Variants in IPCEF1 observed in about 807,000 individuals in gnomAD.
IPCEF1 encodes interactor protein for cytohesin exchange factors 1.
In IPCEF1, 31 loss-of-function variants were observed where a neutral mutation model predicts 50.9. The ratio of observed to expected loss-of-function variants is 0.61; its 90% CI spans 0.46 to 0.82. The LOEUF is 0.82. Among genes scored for constraint, IPCEF1 ranks in the 40% least tolerant of loss-of-function variants. The pLI is 0.00. For missense variants in IPCEF1, 458 were observed against 514.0 expected, an observed-to-expected ratio of 0.89 and a Z score of 1.05; for synonymous variants, 181 against 192.0, an observed-to-expected ratio of 0.94 and a Z score of 0.47.
At chr6:154,180,415 T>TA (rs1491475267) in intron 10 of IPCEF1, among the ~76,000 whole-genome samples, 2,705 of 28,716 alleles carry the variant, frequency 0.094, 47 homozygotes, top group Middle Eastern at 0.2. Context: ...TATATATATA[T>TA]TTTTTTTTTA....
At chr6:154,314,883 A>AT in intron 1 of IPCEF1, among the ~76,000 whole-genome samples, 1 of 146,020 alleles carries the variant, frequency 6.8e-6, no homozygotes, top group Admixed American at 6.9e-5. Flanking sequence ...TAGTGTGATT[A>AT]CTTTTTTTTT....
chr6:154,222,937 A>C (rs1282555707), intron 6 of IPCEF1: 3 of 559,798 alleles, frequency 5.4e-6, no homozygotes, highest in African/African-American at 1.9e-5. Context: ...ACAACAGTCC[A>C]TGCCAAGACT....
rs151304372 is a variant in IPCEF1 at position 154,202,244 on chromosome 6, G to T, written c.538-2204C>A. Reference sequence around the variant, plus strand: ...CTTCTCAATAATCATATACTGGCACGTACATAAAAAAAATCCATTCAGGAA... The same window carrying T: ...CTTCTCAATAATCATATACTGGCACTTACATAAAAAAAATCCATTCAGGAA... On this transcript the variant is annotated intron_variant, in intron 9 of 11. Coordinates refer to ENST00000367220, the MANE Select transcript of IPCEF1 (RefSeq NM_001130700.2). Among the ~76,000 whole-genome samples the T allele has an allele frequency of 3.0e-3, 460 of 152,000 alleles. 4 individuals carry two copies. The highest frequency in any genetic ancestry group is 0.01 in the African/African-American group (435 of 41,478).
chr6:154,349,633 C>CTA (rs1377450702), intron 1 of IPCEF1, among the ~76,000 whole-genome samples: 1 of 151,986 alleles, frequency 6.6e-6, no homozygotes, highest in Non-Finnish European at 1.5e-5. Flanking sequence ...GTACATTTGC[C>CTA]TATAAGTAGT....
At chr6:154,195,631 C>T (rs1776553929) in intron 10 of IPCEF1, among the ~76,000 whole-genome samples, 1 of 152,084 alleles carries the variant, frequency 6.6e-6, no homozygotes, top group Admixed American at 6.5e-5. Context: ...GAGATCTTGT[C>T]TTGGGTCCCT....
In IPCEF1 at chr6:154,282,618, CAG is replaced by C. The variant is rs945016963; in HGVS notation, c.-18+7093_-18+7094del. Among the ~76,000 whole-genome samples, 24 of 152,174 alleles carry C rather than the reference CAG, an allele frequency of 1.6e-4. 1 individual carries two copies. Among genetic ancestry groups the C allele is most frequent in the African/African-American group, 5.8e-4 (24 of 41,512 alleles). ...AGGAGAATGGCATAAACCCGGGAGG[CAG>C]AGCTTGCAGTGAGCCGAGATAGCAC... On this transcript the variant is annotated intron_variant, in intron 2 of 11. Transcript: ENST00000367220.
chr6:154,257,176 C>T (rs1781482083), intron 3 of IPCEF1, among the ~76,000 whole-genome samples: 2 of 152,138 alleles, frequency 1.3e-5, no homozygotes, highest in African/African-American at 4.8e-5. Context: ...TATCTCCTTC[C>T]TCCCAGGGCC....
intron 1 of IPCEF1, among the ~76,000 whole-genome samples, chr6:154,312,670 G>T (rs1783109810): frequency 6.6e-6 from 1 of 152,058 alleles, no homozygotes; most frequent in Admixed American, 6.5e-5. Flanking sequence ...TATTTGGACA[G>T]GAGGAATAAG....
chr6:154,163,385 T>C (rs1799179053), intron 11 of IPCEF1, among the ~76,000 whole-genome samples: 2 of 152,212 alleles, frequency 1.3e-5, no homozygotes, highest in Admixed American at 1.3e-4. Flanking sequence ...CTTTTTCAGA[T>C]TTTACACAAA....
intron 10 of IPCEF1, among the ~76,000 whole-genome samples, chr6:154,180,403 TATATATA>T (rs1233168517): frequency 2.3e-4 from 10 of 42,832 alleles, no homozygotes; most frequent in African/African-American, 5.5e-4. Flanking sequence ...TATATATATA[TATATATA>T]TATATTTTTT....
chr6:154,250,608 C>A (rs1278358583), intron 3 of IPCEF1, among the ~76,000 whole-genome samples: 1 of 152,144 alleles, frequency 6.6e-6, no homozygotes, highest in Middle Eastern at 3.2e-3. Flanking sequence ...AGAAAATATA[C>A]AAAGGAAACT....
chr6:154,295,911 GCA>G (rs58745478), intron 1 of IPCEF1, among the ~76,000 whole-genome samples: 34,681 of 150,190 alleles, frequency 0.23, 4,153 homozygotes, highest in African/African-American at 0.3. Context: ...ACACACACAC[GCA>G]CACACACACA....
At chr6:154,193,727 C>T (rs1268092212) in intron 10 of IPCEF1, among the ~76,000 whole-genome samples, 4 of 152,340 alleles carry the variant, frequency 2.6e-5, no homozygotes, top group Middle Eastern at 3.4e-3. Flanking sequence ...ACAAACACTT[C>T]GGCCTTGCTG....
intron 1 of IPCEF1, among the ~76,000 whole-genome samples, chr6:154,329,303 A>G (rs1783599183): frequency 6.6e-6 from 1 of 152,106 alleles, no homozygotes; most frequent in Non-Finnish European, 1.5e-5. Context: ...ATTCACAAGA[A>G]CAGCTATGTC....
At chr6:154,188,493 C>G (rs1018280092) in intron 10 of IPCEF1, among the ~76,000 whole-genome samples, 5 of 152,134 alleles carry the variant, frequency 3.3e-5, no homozygotes, top group African/African-American at 1.2e-4. Context: ...TGTGTATGCA[C>G]GCATGTGCAT....
intron 3 of IPCEF1, among the ~76,000 whole-genome samples, chr6:154,252,729 G>A (rs1781368082): frequency 6.6e-6 from 1 of 152,136 alleles, no homozygotes; most frequent in South Asian, 2.1e-4. Context: ...TAGAGATTTG[G>A]CAAAACCAGT....
At chr6:154,250,049 T>G (rs1377767764) in intron 3 of IPCEF1, among the ~76,000 whole-genome samples, 1 of 152,158 alleles carries the variant, frequency 6.6e-6, no homozygotes, top group African/African-American at 2.4e-5. Context: ...GACTGCATAT[T>G]ATAGAAATAA....
At chr6:154,262,194 C>T (rs1781617547) in intron 3 of IPCEF1, among the ~76,000 whole-genome samples, 1 of 152,252 alleles carries the variant, frequency 6.6e-6, no homozygotes, top group East Asian at 1.9e-4. Context: ...CTGATTGACT[C>T]TAGGAGTGGA....
At chr6:154,335,841 T>G (rs1783776969) in intron 1 of IPCEF1, among the ~76,000 whole-genome samples, 1 of 152,054 alleles carries the variant, frequency 6.6e-6, no homozygotes, top group East Asian at 1.9e-4. Flanking sequence ...GCAAAGGACA[T>G]GAATAGACAT....
Sources: allele counts gnomAD v4.1 joint callset (sites outside exome capture counted in the v4.1 genomes callset), GRCh38; gene constraint gnomAD v4.1.1; transcripts MANE v1.5; gene names NCBI Gene and HGNC (gene_info 2026-07-23, HGNC 2026-07-21).